Variants in ABCG1 observed in about 807,000 individuals in gnomAD.
The protein encoded by ABCG1 is ATP binding cassette subfamily G member 1, also known as ATP-binding cassette sub-family G member 1.
Under a neutral mutation model 69.2 loss-of-function variants are expected in ABCG1, and 29 were observed. The observed-to-expected ratio is 0.42, with a 90% confidence interval of 0.31 to 0.57. The LOEUF is 0.57. Among genes scored for constraint, ABCG1 ranks in the 20% least tolerant of loss-of-function variants. The pLI, the probability that ABCG1 is intolerant of heterozygous loss-of-function variation, is 0.15. For synonymous variants in ABCG1, 370 were observed against 374.8 expected (o/e 0.99, Z 0.15); for missense variants, 718 against 898.1 (o/e 0.80, Z 2.56).
upstream of ABCG1, among the ~76,000 whole-genome samples, chr21:42,214,230 G>T (rs1387424926): frequency 6.6e-6 from 1 of 152,190 alleles, no homozygotes; most frequent in Non-Finnish European, 1.5e-5. Context: ...ATAGGGTGGA[G>T]CTCTCATAAG....
intron 2 of ABCG1, among the ~76,000 whole-genome samples, chr21:42,258,846 G>C (rs2068355853): frequency 2.0e-5 from 3 of 152,222 alleles, no homozygotes; most frequent in Admixed American, 2.0e-4. Flanking sequence ...CCCTAATTAG[G>C]AGGGCACAGT....
At position 42,219,447 on chromosome 21, in the gene ABCG1, G is replaced by C; in HGVS notation, c.42+143G>C. 8.3e-7 allele frequency: 1 copy of C among 1,209,930 alleles called. No homozygotes were observed. The highest frequency in any genetic ancestry group is 1.1e-6 in the Non-Finnish European group (1 of 903,500). The allele number at this position is 1,209,930 out of a possible 1,614,324, so 74.9% of individuals were successfully genotyped here. On this transcript the variant is annotated intron_variant, in intron 1 of 14. Coordinates refer to ENST00000398449, the MANE Select transcript of ABCG1 (RefSeq NM_016818.3). This position sits in a 1 kb window ranked among gnomAD's most constrained non-coding sequence, Gnocchi z 5.3. ...CTGACCCAGGGCACCCTAGAGTGGC[G>C]CCCGGCTCCGATCGCTGCCCCTGCC...
chr21:42,262,190 G>A (rs1459664586), intron 2 of ABCG1, among the ~76,000 whole-genome samples: 2 of 152,144 alleles, frequency 1.3e-5, no homozygotes, highest in African/African-American at 4.8e-5. Flanking sequence ...CATTTGGCTT[G>A]GGGAAGCATA....
At chr21:42,259,605 T>C in intron 2 of ABCG1, 4 of 1,445,934 alleles carry the variant, frequency 2.8e-6, no homozygotes, top group Non-Finnish European at 3.6e-6. Flanking sequence ...GCCATTACCT[T>C]GTTTCCTAAC....
intron 1 of ABCG1, chr21:42,220,025 T>G: frequency 1.3e-6 from 2 of 1,552,856 alleles, no homozygotes; most frequent in South Asian, 2.4e-5. Context: ...TGTCGGCGAG[T>G]TCACTGCTGG....
At chr21:42,229,340 C>T (rs1483723646) in intron 2 of ABCG1, among the ~76,000 whole-genome samples, 1 of 152,206 alleles carries the variant, frequency 6.6e-6, no homozygotes, top group Non-Finnish European at 1.5e-5. Context: ...ATGCATTGAG[C>T]TAATTGTAAT....
At chr21:42,202,465 G>A (rs1215262558) in intron 2 of ABCG1, among the ~76,000 whole-genome samples, 1 of 152,180 alleles carries the variant, frequency 6.6e-6, no homozygotes, top group East Asian at 1.9e-4. Flanking sequence ...TGAAAACCGG[G>A]GGCCGGCAGG....
At chr21:42,211,335 C>A (rs1197488710), upstream of ABCG1, among the ~76,000 whole-genome samples, 1 of 152,076 alleles carries the variant, frequency 6.6e-6, no homozygotes, top group Non-Finnish European at 1.5e-5. Flanking sequence ...TATGCTGCTG[C>A]CCTCCCTGAT....
At chr21:42,232,036 T>G (rs2067908666) in intron 2 of ABCG1, among the ~76,000 whole-genome samples, 1 of 152,162 alleles carries the variant, frequency 6.6e-6, no homozygotes, top group Admixed American at 6.5e-5. Context: ...GTTCCTAGGT[T>G]CTCAGTGGCC....
intron 2 of ABCG1, among the ~76,000 whole-genome samples, chr21:42,244,884 G>A (rs890310250): frequency 6.6e-6 from 1 of 152,246 alleles, no homozygotes; most frequent in Admixed American, 6.5e-5. Flanking sequence ...GTTGGAACCC[G>A]AGCTTCAGAG....
intron 2 of ABCG1, among the ~76,000 whole-genome samples, chr21:42,261,686 G>T (rs142637585): frequency 6.6e-6 from 1 of 152,336 alleles, no homozygotes; most frequent in Non-Finnish European, 1.5e-5. Flanking sequence ...TGGCGGGTGA[G>T]TGAACAAGAC....
At chr21:42,221,147 T>C (rs1245877261) in intron 1 of ABCG1, 1 of 152,240 alleles carries the variant, frequency 6.6e-6, no homozygotes, top group East Asian at 1.9e-4. Flanking sequence ...CTGGGTACTT[T>C]AAAAAAAGTT....
chr21:42,243,841 C>T (rs564028852), intron 2 of ABCG1, among the ~76,000 whole-genome samples: 5 of 101,586 alleles, frequency 4.9e-5, no homozygotes, highest in South Asian at 3.5e-4. Context: ...TTTTTTGAGA[C>T]GGAGTCTCAC....
chr21:42,248,431 C>G (rs867347871), intron 2 of ABCG1, among the ~76,000 whole-genome samples: 1 of 152,158 alleles, frequency 6.6e-6, no homozygotes, highest in African/African-American at 2.4e-5. Context: ...GTGGGGGGTG[C>G]AGGGCAGCTG....
chr21:42,273,269 C>T lies in ABCG1; in HGVS notation c.405-34C>T, dbSNP rs374638445. On this transcript the variant is annotated intron_variant, in intron 3 of 14. Coordinates refer to ENST00000398449, the MANE Select transcript of ABCG1 (RefSeq NM_016818.3). This position sits in a 1 kb window ranked among gnomAD's most constrained non-coding sequence, Gnocchi z 5.3. ...GGGAGGTGGAGGAGGAGCAGGAGCCCGGCTGACGGCTTCTCCTGTCCTTGG... is the reference window on the plus strand; with the variant it reads ...GGGAGGTGGAGGAGGAGCAGGAGCCTGGCTGACGGCTTCTCCTGTCCTTGG... The T allele has an allele frequency of 8.8e-6, 14 of 1,591,894 alleles. No individual in the cohort carries two copies. The highest frequency in any genetic ancestry group is 3.4e-5 in the South Asian group (3 of 88,760).
At position 42,276,753 on chromosome 21, in the gene ABCG1, G is replaced by C. The variant is rs1196940721; in HGVS notation, c.538-142G>C. On this transcript the variant is annotated intron_variant, in intron 4 of 14. Coordinates refer to ENST00000398449, the MANE Select transcript of ABCG1 (RefSeq NM_016818.3). This position sits in a 1 kb window ranked among gnomAD's most constrained non-coding sequence, Gnocchi z 5.3. ...TAGCGGCATTGTGGCTAGCTGCACT[G>C]TGGGTAGCTGCACCGTGGCTAGTGG... is the stretch of plus-strand genomic sequence containing the variant. 5.1e-6 allele frequency: 4 copies of C among 784,456 alleles called. No homozygotes were observed. In the East Asian group the frequency reaches 9.9e-5, roughly 19 times the overall value. 48.6% of individuals were successfully genotyped at this position (784,456 alleles called of 1,614,324 possible).
At chr21:42,236,481 G>A (rs1216577896) in intron 2 of ABCG1, among the ~76,000 whole-genome samples, 5 of 152,200 alleles carry the variant, frequency 3.3e-5, no homozygotes, top group African/African-American at 1.2e-4. Flanking sequence ...GACACCCGGC[G>A]GGACTAGTTC....
chr21:42,254,149 G>A (rs2068265795), intron 2 of ABCG1, among the ~76,000 whole-genome samples: 1 of 152,304 alleles, frequency 6.6e-6, no homozygotes, highest in South Asian at 2.1e-4. Flanking sequence ...GGAGACCCCA[G>A]AACCGGATGA....
intron 13 of ABCG1, among the ~76,000 whole-genome samples, chr21:42,293,119 A>G (rs1210656253): frequency 9.2e-6 from 1 of 108,988 alleles, no homozygotes; most frequent in Admixed American, 9.3e-5. Context: ...ACCACACACT[A>G]CACACACCAC....
Sources: allele counts gnomAD v4.1 joint callset (sites outside exome capture counted in the v4.1 genomes callset), GRCh38; gene constraint gnomAD v4.1.1; non-coding constraint Gnocchi (gnomAD v3.1); transcripts MANE v1.5; gene names NCBI Gene and HGNC (gene_info 2026-07-23, HGNC 2026-07-21).